Variants in RPS6KA2 observed in about 807,000 individuals in gnomAD.
RPS6KA2 encodes the protein ribosomal protein S6 kinase A2.
In RPS6KA2, 42 loss-of-function variants were observed where a neutral mutation model predicts 91.8. The observed-to-expected ratio is 0.46, with a 90% CI of 0.36 to 0.59. The LOEUF (loss-of-function observed/expected upper bound fraction) is 0.59, where lower values mean the gene tolerates loss of function less well. Among genes scored for constraint, RPS6KA2 ranks in the 20% least tolerant of loss-of-function variants. RPS6KA2 has a pLI of 0.00. For synonymous variants in RPS6KA2, 414 were observed against 393.6 expected, an observed-to-expected ratio of 1.05 and a Z score of -0.61; for missense variants, 798 against 978.5, an observed-to-expected ratio of 0.82 and a Z score of 2.46.
chr6:166,632,962 C>T (rs1322214060), intron 2 of RPS6KA2, among the ~76,000 whole-genome samples: 1 of 152,250 alleles, frequency 6.6e-6, no homozygotes, highest in Non-Finnish European at 1.5e-5. Context: ...TGCCTGCAAT[C>T]CCAGCATTTC....
In RPS6KA2 at chr6:166,493,466, C is replaced by T. The variant is rs560792172; in HGVS notation, c.748-2725G>A. The stretch of plus-strand genomic sequence containing the variant: ...GTAAGACTTTTGCTGTGTTGCTGAG[C>T]AGCACTGAGACTTGCCAAGGCTTCC... On this transcript the variant is annotated intron_variant, in intron 8 of 20. Coordinates refer to ENST00000265678, the MANE Select transcript of RPS6KA2 (RefSeq NM_021135.6). The surrounding 1 kb of genome is among the most constrained non-coding windows in gnomAD (Gnocchi z 4.7). Among the ~76,000 whole-genome samples, 1 of 152,210 alleles carries T rather than the reference C, an allele frequency of 6.6e-6. No homozygotes were observed. The highest frequency in any genetic ancestry group is 2.1e-4 in the South Asian group (1 of 4,814).
At chr6:166,741,781 C>G (rs1790822586) in intron 2 of RPS6KA2, among the ~76,000 whole-genome samples, 1 of 152,190 alleles carries the variant, frequency 6.6e-6, no homozygotes. Flanking sequence ...ATCTGGGTAG[C>G]CCCGTTTCCA....
intron 2 of RPS6KA2, among the ~76,000 whole-genome samples, chr6:166,774,676 T>G (rs1778566514): frequency 6.6e-6 from 1 of 152,110 alleles, no homozygotes; most frequent in Admixed American, 6.5e-5. Flanking sequence ...AGACAGTCCC[T>G]TACACAGGGG....
At chr6:166,506,491 C>A (rs1782230362) in intron 5 of RPS6KA2, among the ~76,000 whole-genome samples, 1 of 152,202 alleles carries the variant, frequency 6.6e-6, no homozygotes, top group Admixed American at 6.5e-5. Flanking sequence ...CAGGCTCCAG[C>A]ATCTTTGGAA....
Position 166,500,984 on chromosome 6 carries a change from C to G in RPS6KA2, c.567-60G>C. The G allele has an allele frequency of 2.0e-6, 3 of 1,533,142 alleles. 1 individual carries two copies. Among genetic ancestry groups the G allele is most frequent in the Non-Finnish European group, 2.7e-6 (3 of 1,110,326 alleles). The allele number at this position is 1,533,142 out of a possible 1,614,324, so 95.0% of individuals were successfully genotyped here. ...AAGAGACCCAGCCTGCCGACGGGCA[C>G]GCAGAGCTCAGAGGAGAGCTGCGGG... is the stretch of plus-strand genomic sequence containing the variant. On this transcript the variant is annotated intron_variant, in intron 6 of 20. Transcript: ENST00000265678. This position sits in a 1 kb window ranked among gnomAD's most constrained non-coding sequence, Gnocchi z 4.3.
intron 2 of RPS6KA2, among the ~76,000 whole-genome samples, chr6:166,716,027 G>C (rs1182942810): frequency 1.9e-5 from 2 of 103,196 alleles, no homozygotes; most frequent in East Asian, 5.9e-4. Flanking sequence ...GACAGAGTGA[G>C]ACTCCATCAA....
At chr6:166,514,523 C>G (rs3799667) in intron 3 of RPS6KA2, among the ~76,000 whole-genome samples, 12,788 of 152,210 alleles carry the variant, frequency 0.084, 689 homozygotes, top group East Asian at 0.2. Context: ...AGCTGGGGTA[C>G]CCTCAGGGAT....
intron 16 of RPS6KA2, among the ~76,000 whole-genome samples, chr6:166,428,984 C>T (rs1279773363): frequency 2.0e-5 from 3 of 151,842 alleles, no homozygotes; most frequent in African/African-American, 7.3e-5. Flanking sequence ...GACACATGCA[C>T]ACGTATGTTT....
intron 3 of RPS6KA2, among the ~76,000 whole-genome samples, chr6:166,530,657 G>A (rs944975247): frequency 6.6e-6 from 1 of 152,218 alleles, no homozygotes; most frequent in Non-Finnish European, 1.5e-5. Flanking sequence ...GAACAGATAC[G>A]GTAGGTGCCC....
intron 1 of RPS6KA2, among the ~76,000 whole-genome samples, chr6:166,550,878 G>A (rs1396502200): frequency 6.6e-6 from 1 of 151,712 alleles, no homozygotes; most frequent in South Asian, 2.1e-4. Context: ...GCGGGCGCCT[G>A]TAGTCCCAGC....
At chr6:166,861,677 T>C (rs1781050066) in intron 1 of RPS6KA2, among the ~76,000 whole-genome samples, 2 of 152,278 alleles carry the variant, frequency 1.3e-5, no homozygotes, top group South Asian at 4.1e-4. Context: ...CTCTGTTCCT[T>C]GATTCATCAT....
At chr6:166,716,352 C>T (rs1790012685) in intron 2 of RPS6KA2, among the ~76,000 whole-genome samples, 1 of 152,184 alleles carries the variant, frequency 6.6e-6, no homozygotes, top group African/African-American at 2.4e-5. Context: ...CGACTCCAGG[C>T]CAGGGTCTCG....
intron 2 of RPS6KA2, among the ~76,000 whole-genome samples, chr6:166,735,708 G>A (rs568524494): frequency 6.6e-6 from 1 of 152,290 alleles, no homozygotes; most frequent in South Asian, 2.1e-4. Flanking sequence ...TAATGCTGCT[G>A]CTGACCTGAT....
At chr6:166,744,752 C>T (rs149813807) in intron 2 of RPS6KA2, among the ~76,000 whole-genome samples, 38 of 152,226 alleles carry the variant, frequency 2.5e-4, no homozygotes, top group South Asian at 1.7e-3. Context: ...GGATTTAAAG[C>T]GGCACTCCAC....
upstream of RPS6KA2, among the ~76,000 whole-genome samples, chr6:166,630,565 G>T (rs533543210): frequency 9.2e-5 from 14 of 152,356 alleles, no homozygotes; most frequent in Non-Finnish European, 1.9e-4. Flanking sequence ...CTGGCCATCT[G>T]CGAAAGCAGG....
At chr6:166,414,420 G>A (rs1214792383) in intron 19 of RPS6KA2, among the ~76,000 whole-genome samples, 1 of 152,176 alleles carries the variant, frequency 6.6e-6, no homozygotes, top group Non-Finnish European at 1.5e-5. Flanking sequence ...GGGTTCATGT[G>A]CAATAATGGT....
intron 10 of RPS6KA2, among the ~76,000 whole-genome samples, chr6:166,483,988 G>T (rs542794597): frequency 2.6e-5 from 4 of 152,256 alleles, no homozygotes; most frequent in Admixed American, 6.5e-5. Context: ...CTGGGTAAGC[G>T]CACAGAAACA....
At chr6:166,748,551 G>A (rs1791104446) in intron 2 of RPS6KA2, among the ~76,000 whole-genome samples, 1 of 109,814 alleles carries the variant, frequency 9.1e-6, no homozygotes. Context: ...CATCCCCTTG[G>A]GCCCCCACCT....
intron 2 of RPS6KA2, among the ~76,000 whole-genome samples, chr6:166,659,092 G>A (rs1788084507): frequency 1.3e-5 from 2 of 152,098 alleles, no homozygotes; most frequent in Admixed American, 6.5e-5. Context: ...GCTTACATGG[G>A]GATCACAGAG....
Sources: allele counts gnomAD v4.1 joint callset (sites outside exome capture counted in the v4.1 genomes callset), GRCh38; gene constraint gnomAD v4.1.1; non-coding constraint Gnocchi (gnomAD v3.1); transcripts MANE v1.5; gene names NCBI Gene and HGNC (gene_info 2026-07-23, HGNC 2026-07-21).